The following ZNF414 variants were observed in gnomAD, a reference collection of about 807,000 sequenced individuals.
ZNF414 encodes zinc finger protein 414.
Under a neutral mutation model 38.3 loss-of-function variants are expected in ZNF414, and 32 were observed. The ratio of observed to expected loss-of-function variants is 0.83; its 90% CI spans 0.63 to 1.12. The LOEUF is 1.12. ZNF414 is among the 50% of genes most tolerant of loss of function. ZNF414 has a pLI of 0.00. For synonymous variants in ZNF414, 256 were observed against 248.0 expected (o/e 1.03, Z -0.30); for missense variants, 589 against 557.4 (o/e 1.06, Z -0.57).
At position 8,510,906 on chromosome 19, in the gene ZNF414, G is replaced by C. The variant is rs1246992908; in HGVS notation, c.1044C>G (p.Arg348=). Residue 348 remains arginine, a synonymous_variant, in exon 7 of 8, where the codon CGC becomes CGG. Transcript: ENST00000393927. ...PAMTLHLEDH[R]PGAPAAPAAG... ...CCGCGGGGGCCGCGGGGGCGCCGGG[G>C]CGGTGGTCCTCCAGGTGCAGGGTCA... is the stretch of plus-strand genomic sequence containing the variant. 8.4e-7 allele frequency: 1 copy of C among 1,191,170 alleles called. No homozygotes were observed. Among genetic ancestry groups the C allele is most frequent in the African/African-American group, 1.6e-5 (1 of 62,144 alleles). The allele number at this position is 1,191,170 out of a possible 1,614,324, so 73.8% of individuals were successfully genotyped here. A position where few individuals can be genotyped will look rare whatever the true frequency, so the allele number is the denominator to read the frequency against.
chr19:8,512,971 G>C (rs998979339), intron 2 of ZNF414, 58 bp downstream of exon 2: 5 of 1,423,268 alleles, frequency 3.5e-6, no homozygotes, highest in Non-Finnish European at 3.7e-6. Flanking sequence ...GATTCTCTAC[G>C]TCTCGCTTCT....
chr19:8,511,214 C>T (rs1971908455), intron 6 of ZNF414, 190 bp from the exon 7 acceptor site: 5 of 1,322,258 alleles, frequency 3.8e-6, no homozygotes, highest in Admixed American at 3.7e-5. Context: ...GGCTTCTCCG[C>T]GTCCCCTACT....
At position 8,511,688 on chromosome 19, in the gene ZNF414, C is replaced by T; in HGVS notation, c.803G>A (p.Arg268His). ...NPAPFGLSPP[R>H]LRPFLAAAPG... ...TGCAGCGGCCAGGAAGGGGCGCAGGCGCGGGGGGCTTAGGCCAAAGGGCGC... is the reference window on the plus strand; with the variant it reads ...TGCAGCGGCCAGGAAGGGGCGCAGGTGCGGGGGGCTTAGGCCAAAGGGCGC... Residue 268 changes from arginine to histidine, a missense_variant, in exon 5 of 8, where the codon CGC (arginine) becomes CAC (histidine). Arg to His is a conservative substitution (Grantham distance 29, BLOSUM62 0). Coordinates refer to ENST00000393927, the MANE Select transcript of ZNF414 (RefSeq NM_001146175.2). The T allele has an allele frequency of 1.3e-6, 2 of 1,491,420 alleles. No individual in the cohort carries two copies. The allele number at this position is 1,491,420 out of a possible 1,614,324, so 92.4% of individuals were successfully genotyped here.
chr19:8,513,367 A>G (rs1241510566), intron 1 of ZNF414, 26 bp from the exon 2 acceptor site: 4 of 1,543,936 alleles, frequency 2.6e-6, no homozygotes, highest in Non-Finnish European at 1.7e-6. Flanking sequence ...GGCGGAGAGA[A>G]CCCTTCTGGG....
In ZNF414 at chr19:8,513,490, G is replaced by A. The variant is rs186333590; in HGVS notation, c.4-149C>T. 7 of 747,194 alleles carry A rather than the reference G, an allele frequency of 9.4e-6. No homozygotes were observed. The Admixed American group carries it at 1.0e-4, about 11-fold the overall frequency. The allele number at this position is 747,194 out of a possible 1,614,324, so 46.3% of individuals were successfully genotyped here. On this transcript the variant is annotated intron_variant, in intron 1 of 7. Coordinates refer to ENST00000393927, the MANE Select transcript of ZNF414 (RefSeq NM_001146175.2). ...TTTCTTTTTATAAAGATGGGGTCTCGCCATGTTGCCCTCACTGGTCTTGAA... is the reference window on the plus strand; with the variant it reads ...TTTCTTTTTATAAAGATGGGGTCTCACCATGTTGCCCTCACTGGTCTTGAA...
chr19:8,513,942 G>A lies in ZNF414; in HGVS notation c.3+102C>T, dbSNP rs1213018331. The A allele has an allele frequency of 7.0e-6, 9 of 1,288,060 alleles. No homozygotes were observed. In the East Asian group the frequency reaches 2.8e-4, roughly 41 times the overall value. The allele number at this position is 1,288,060 out of a possible 1,614,324, so 79.8% of individuals were successfully genotyped here. A position where few individuals can be genotyped will look rare whatever the true frequency, so the allele number is the denominator to read the frequency against. ...GACAGCCAGCGGCGGACGGGTGCCC[G>A]GATGTGGGGGCGGGGTCGGCCGGAG... On this transcript the variant is annotated intron_variant, in intron 1 of 7. Coordinates refer to ENST00000393927, the MANE Select transcript of ZNF414 (RefSeq NM_001146175.2).
Position 8,511,638 on chromosome 19 carries a change from C to T in ZNF414, c.853G>A (p.Ala285Thr), listed in dbSNP as rs1278074716. Residue 285 changes from alanine to threonine, a missense_variant, in exon 5 of 8, where the codon GCC becomes ACC. Transcript: ENST00000393927. ...AAPGPPASSA[A>T]VWKKSQGAGS... ...TCACCTTGGCTCTTTTTCCAGACGGCGGCGCTGGAAGCCGGCGGCCCGGGT... is the reference window on the plus strand; with the variant it reads ...TCACCTTGGCTCTTTTTCCAGACGGTGGCGCTGGAAGCCGGCGGCCCGGGT... 1 of 1,506,598 alleles carries T rather than the reference C, an allele frequency of 6.6e-7. No homozygotes were observed. Among genetic ancestry groups the T allele is most frequent in the Non-Finnish European group, 8.8e-7 (1 of 1,132,092 alleles). The allele number at this position is 1,506,598 out of a possible 1,614,324, so 93.3% of individuals were successfully genotyped here.
chr19:8,512,326 C>T, intron 4 of ZNF414, 61 bp downstream of exon 4: 1 of 1,594,552 alleles, frequency 6.3e-7, no homozygotes, highest in Non-Finnish European at 8.6e-7. Flanking sequence ...GGAGGAAGGC[C>T]TGGAGCCCAC....
Position 8,512,714 on chromosome 19 carries a change from G to A in ZNF414, c.317-3C>T. 5 of 1,521,540 alleles carry A rather than the reference G, an allele frequency of 3.3e-6. No individual in the cohort carries two copies. The highest frequency in any genetic ancestry group is 4.4e-6 in the Non-Finnish European group (5 of 1,134,336). The allele number at this position is 1,521,540 out of a possible 1,614,324, so 94.3% of individuals were successfully genotyped here. ...GCTGGAGCAAGGGATTTGCTTCCCT[G>A]CAGGACGCACAGAACAGTGGTCACT... On this transcript the variant is annotated splice_polypyrimidine_tract_variant and splice_region_variant and intron_variant, in intron 2 of 7. Coordinates refer to ENST00000393927, the MANE Select transcript of ZNF414 (RefSeq NM_001146175.2).
rs114082168 is a variant in ZNF414, at chr19:8,513,197, C to A, written c.148G>T (p.Ala50Ser). The A allele has an allele frequency of 4.4e-4, 694 of 1,566,026 alleles. 4 individuals carry two copies. The African/African-American group carries it at 7.7e-3, about 17-fold the overall frequency. ...CGTTCCCACACTGGCGGTGTGGCTG[C>A]CTGCTCAGGGCCTGGCTCCTCCGAC... Reference protein sequence around the residue: ...SMSEEPGPEQAATPPVWERGG... With the variant: ...SMSEEPGPEQSATPPVWERGG... The change falls in exon 2 of 8, where the codon GCA becomes TCA. Residue 50 changes from alanine (A) to serine (S), a missense_variant. Transcript: ENST00000393927.
Position 8,511,920 on chromosome 19 carries a change from G to A in ZNF414, c.571C>T (p.Leu191Phe). 3 of 1,416,960 alleles carry A rather than the reference G, an allele frequency of 2.1e-6. No individual in the cohort carries two copies. Among genetic ancestry groups the A allele is most frequent in the Non-Finnish European group, 2.7e-6 (3 of 1,093,504 alleles). The allele number at this position is 1,416,960 out of a possible 1,614,324, so 87.8% of individuals were successfully genotyped here. Residue 191 changes from leucine (L) to phenylalanine (F), a missense_variant, in exon 5 of 8, where the codon CTC becomes TTC. By Grantham distance (22) the Leu-to-Phe change is conservative. Transcript: ENST00000393927. ...GCGCAAACATGCAGGTGCTTGAAGA[G>A]CGAGCGGTGCGTGCGGAAGCGCAGG... ...CLLRFRTHRS[L>F]FKHLHVCAEH...
chr19:8,510,991 T>C lies in ZNF414; in HGVS notation c.959A>G (p.His320Arg). ...CATGCACGAGTAGCGGCCGCGTGTGTGCTCCCACACGATGCGGCTCGGGGC... is the reference window on the plus strand; with the variant it reads ...CATGCACGAGTAGCGGCCGCGTGTGCGCTCCCACACGATGCGGCTCGGGGC... ...HAAPSRIVWE[H>R]TRGRYSCMQC... Residue 320 changes from histidine to arginine, a missense_variant, in exon 7 of 8, where the codon CAC becomes CGC. By Grantham distance (29) the His-to-Arg change is conservative. Transcript: ENST00000393927. 7.9e-7 allele frequency: 1 copy of C among 1,271,528 alleles called. No homozygotes were observed. Among genetic ancestry groups the C allele is most frequent in the South Asian group, 2.8e-5 (1 of 36,206 alleles). The allele number at this position is 1,271,528 out of a possible 1,614,324, so 78.8% of individuals were successfully genotyped here. A position where few individuals can be genotyped will look rare whatever the true frequency, so the allele number is the denominator to read the frequency against.
Position 8,510,872 on chromosome 19 carries a change from G to C in ZNF414, c.1078C>G (p.Pro360Ala), listed in dbSNP as rs1043992592. The C allele has an allele frequency of 4.4e-6, 5 of 1,125,624 alleles. No individual in the cohort carries two copies. In the African/African-American group the frequency reaches 8.3e-5, roughly 19 times the overall value. 69.7% of individuals were successfully genotyped at this position (1,125,624 alleles called of 1,614,324 possible). A position where few individuals can be genotyped will look rare whatever the true frequency, so the allele number is the denominator to read the frequency against. Residue 360 changes from proline (P) to alanine (A), a missense_variant, in exon 7 of 8, where the codon CCG becomes GCG. Transcript: ENST00000393927. ...GAPAAPAAGP[P>A]RPDAPADPAP... Reference sequence around the variant, plus strand: ...TTACCCGCGGGGGCGTCGGGGCGCGGCGGCCCGGCCGCGGGGGCCGCGGGG... The same window carrying C: ...TTACCCGCGGGGGCGTCGGGGCGCGCCGGCCCGGCCGCGGGGGCCGCGGGG...
At chr19:8,513,454 T>TAA in intron 1 of ZNF414, 113 bp from the exon 2 acceptor site, 1 of 1,041,850 alleles carries the variant, frequency 9.6e-7, no homozygotes, top group Non-Finnish European at 1.3e-6. Flanking sequence ...AAGGGTGGAC[T>TAA]AAGCTCTTTT....
At chr19:8,511,440 G>T in intron 6 of ZNF414, 46 bp downstream of exon 6, 1 of 1,600,984 alleles carries the variant, frequency 6.2e-7, no homozygotes, top group East Asian at 2.3e-5. Context: ...GCAGGGCGCA[G>T]GAAAGAAAGC....
At position 8,510,581 on chromosome 19, in the gene ZNF414, G is replaced by A. The variant is rs1390499315; in HGVS notation, c.*110C>T. ...GACAAGGGATGGGAACACAGCATAG[G>A]CTGGCTCATGGCGCCTTCTTTATTG... On this transcript the variant is annotated 3_prime_UTR_variant, in exon 8 of 8. Coordinates refer to ENST00000393927, the MANE Select transcript of ZNF414 (RefSeq NM_001146175.2). 8.0e-6 allele frequency: 10 copies of A among 1,251,964 alleles called. No homozygotes were observed. Among genetic ancestry groups the A allele is most frequent in the African/African-American group, 1.5e-5 (1 of 66,172 alleles). The allele number at this position is 1,251,964 out of a possible 1,614,324, so 77.6% of individuals were successfully genotyped here.
In ZNF414 at chr19:8,512,507, G is replaced by A. The variant is rs1971932956; in HGVS notation, c.425-15C>T. 1 of 1,613,994 alleles carries A rather than the reference G, an allele frequency of 6.2e-7. No individual in the cohort carries two copies. The highest frequency in any genetic ancestry group is 8.5e-7 in the Non-Finnish European group (1 of 1,179,976). ...GAAGAGCTTGCCTGGTAGGGATGAA[G>A]GACAGAGAAGTGGAGACAGGTGGCC... On this transcript the variant is annotated splice_polypyrimidine_tract_variant and intron_variant, in intron 3 of 7. Coordinates refer to ENST00000393927, the MANE Select transcript of ZNF414 (RefSeq NM_001146175.2).
intron 6 of ZNF414, 134 bp from the exon 7 acceptor site, chr19:8,511,158 G>C: frequency 7.8e-7 from 1 of 1,289,528 alleles, no homozygotes; most frequent in Non-Finnish European, 9.8e-7. Context: ...GCCTAGTTCA[G>C]TTTCTCCCGG....
intron 6 of ZNF414, 50 bp downstream of exon 6, chr19:8,511,436 C>A (rs370926970): frequency 1.9e-6 from 3 of 1,596,086 alleles, no homozygotes; most frequent in Non-Finnish European, 1.7e-6. Context: ...CCCCGCAGGG[C>A]GCAGGAAAGA....
Sources: allele counts gnomAD v4.1 joint callset, GRCh38; gene constraint gnomAD v4.1.1; transcripts MANE v1.5; gene names NCBI Gene and HGNC (gene_info 2026-07-23, HGNC 2026-07-21).